The following PRDM5 variants were observed in gnomAD, a reference collection of about 807,000 sequenced individuals.
PRDM5 encodes the protein PR domain zinc finger protein 5.
PRDM5 carries 56 observed loss-of-function variants against 81.2 expected under a neutral mutation model. That is an observed-to-expected ratio of 0.69 (90% CI 0.56 to 0.86). The LOEUF (loss-of-function observed/expected upper bound fraction) is 0.86, where lower values mean the gene tolerates loss of function less well. Ranked by LOEUF, PRDM5 falls within the 40% of genes least tolerant of loss-of-function variation. The pLI, the probability that PRDM5 is intolerant of heterozygous loss-of-function variation, is 0.00. For missense variants in PRDM5, 697 were observed against 770.1 expected (o/e 0.91, Z 1.12); for synonymous variants, 267 against 256.4 (o/e 1.04, Z -0.39).
chr4:120,864,320 GAACATAA>G (rs1760967651), intron 2 of PRDM5, among the ~76,000 whole-genome samples: 1 of 152,166 alleles, frequency 6.6e-6, no homozygotes, highest in African/African-American at 2.4e-5. Flanking sequence ...TACAGGCCTT[GAACATAA>G]AGTTGATATC....
At chr4:120,838,379 C>T (rs766465885) in intron 3 of PRDM5, 2 of 152,150 alleles carry the variant, frequency 1.3e-5, no homozygotes, top group Non-Finnish European at 2.9e-5. Context: ...GTGATCAGAT[C>T]AAGATAATCA....
At chr4:120,809,132 T>C (rs1030467881) in intron 8 of PRDM5, among the ~76,000 whole-genome samples, 1 of 152,016 alleles carries the variant, frequency 6.6e-6, no homozygotes, top group African/African-American at 2.4e-5. Context: ...TCACCTCTCA[T>C]TATCGCAAGG....
chr4:120,745,497 T>C lies in PRDM5; in HGVS notation c.1623+9056A>G, dbSNP rs1742850373. 9.3e-5 allele frequency among the ~76,000 whole-genome samples: 14 copies of C among 151,290 alleles called. No homozygotes were observed. In the South Asian group the frequency reaches 2.9e-3, roughly 32 times the overall value. On this transcript the variant is annotated intron_variant, in intron 14 of 15. Transcript: ENST00000264808. ...GGAAAAGAGGAAGTCAAATTGTCCC[T>C]GTTTGCAGATGAGATGATTGTATAT...
intron 15 of PRDM5, among the ~76,000 whole-genome samples, chr4:120,701,323 T>C (rs183568468): frequency 2.6e-5 from 4 of 152,250 alleles, no homozygotes; most frequent in Non-Finnish European, 5.9e-5. Context: ...ATCCCATTCA[T>C]TACTGGGTAT....
chr4:120,912,557 CTT>C (rs1167153639), intron 1 of PRDM5, among the ~76,000 whole-genome samples: 2 of 152,046 alleles, frequency 1.3e-5, no homozygotes, highest in East Asian at 3.8e-4. Flanking sequence ...AATATGTAGT[CTT>C]TGATAAGATC....
intron 1 of PRDM5, among the ~76,000 whole-genome samples, chr4:120,919,784 G>A (rs1333298883): frequency 6.6e-6 from 1 of 151,988 alleles, no homozygotes; most frequent in African/African-American, 2.4e-5. Context: ...GACAGGGTCT[G>A]GCACACAGCA....
intron 13 of PRDM5, among the ~76,000 whole-genome samples, chr4:120,761,846 C>T (rs1745658915): frequency 6.6e-6 from 1 of 152,006 alleles, no homozygotes; most frequent in East Asian, 1.9e-4. Flanking sequence ...TTTGTTCATG[C>T]TACTAAATAC....
chr4:120,732,556 T>A (rs547241257), intron 14 of PRDM5, among the ~76,000 whole-genome samples: 82 of 152,226 alleles, frequency 5.4e-4, no homozygotes, highest in Non-Finnish European at 7.2e-4. Flanking sequence ...AAATAACTGA[T>A]CTCTGAGGTT....
rs546369311 is a variant in PRDM5 at position 120,717,061 on chromosome 4, T to TG, written c.1624-6649dup. Among the ~76,000 whole-genome samples, 375 of 56,394 alleles carry TG rather than the reference T, an allele frequency of 6.6e-3. 2 individuals are homozygous for TG. The highest frequency in any genetic ancestry group is 0.017 in the African/African-American group (334 of 19,126). 37.0% of individuals were successfully genotyped at this position (56,394 alleles called of 152,430 possible). On this transcript the variant is annotated intron_variant, in intron 14 of 15. Coordinates refer to ENST00000264808, the MANE Select transcript of PRDM5 (RefSeq NM_018699.4). ...TTCCTGCTCCTTTCTTTGAACATTG[T>TG]GAAAAAAAAAAAAAAAAACTTCATT...
At chr4:120,804,517 A>G (rs566034395) in intron 8 of PRDM5, among the ~76,000 whole-genome samples, 53 of 152,242 alleles carry the variant, frequency 3.5e-4, no homozygotes, top group Non-Finnish European at 3.7e-4. Flanking sequence ...ATCACAGTGC[A>G]ATCAAACTAG....
At chr4:120,902,915 C>T (rs746428581) in intron 2 of PRDM5, among the ~76,000 whole-genome samples, 1 of 152,080 alleles carries the variant, frequency 6.6e-6, no homozygotes, top group Admixed American at 6.5e-5. Flanking sequence ...ATACCCTGTC[C>T]CAAGCTCACA....
intron 2 of PRDM5, among the ~76,000 whole-genome samples, chr4:120,880,780 C>T (rs1762769344): frequency 6.6e-6 from 1 of 152,126 alleles, no homozygotes; most frequent in South Asian, 2.1e-4. Flanking sequence ...AATACATTTA[C>T]ATCTACATTG....
chr4:120,913,324 G>A (rs1194520671), intron 1 of PRDM5, among the ~76,000 whole-genome samples: 1 of 152,196 alleles, frequency 6.6e-6, no homozygotes, highest in Non-Finnish European at 1.5e-5. Flanking sequence ...AAAGACTTCT[G>A]CCCTGACATT....
chr4:120,846,760 C>T (rs1758693412), intron 3 of PRDM5, among the ~76,000 whole-genome samples: 1 of 152,100 alleles, frequency 6.6e-6, no homozygotes, highest in Non-Finnish European at 1.5e-5. Flanking sequence ...ACAATCAACT[C>T]ATAAAGAAGA....
At chr4:120,779,996 T>C (rs1216977765) in intron 12 of PRDM5, among the ~76,000 whole-genome samples, 1 of 151,860 alleles carries the variant, frequency 6.6e-6, no homozygotes. Context: ...AAAAATTAAA[T>C]ATTAAAAAAA....
chr4:120,887,083 C>T (rs909110240), intron 2 of PRDM5, among the ~76,000 whole-genome samples: 10 of 151,944 alleles, frequency 6.6e-5, no homozygotes, highest in Non-Finnish European at 1.2e-4. Context: ...GTAGCTGGGA[C>T]TACAGGCGCC....
At chr4:120,872,690 G>A (rs1048393217) in intron 2 of PRDM5, among the ~76,000 whole-genome samples, 40 of 152,260 alleles carry the variant, frequency 2.6e-4, no homozygotes, top group Middle Eastern at 6.8e-3. Flanking sequence ...GGAATTTAAG[G>A]CTGCAGTGAA....
intron 13 of PRDM5, among the ~76,000 whole-genome samples, chr4:120,771,419 C>T (rs541770960): frequency 1.3e-5 from 2 of 152,016 alleles, no homozygotes; most frequent in African/African-American, 4.8e-5. Flanking sequence ...TTAAATACCA[C>T]CAAAAATATT....
At chr4:120,905,790 T>A (rs940970987) in intron 2 of PRDM5, among the ~76,000 whole-genome samples, 1 of 152,256 alleles carries the variant, frequency 6.6e-6, no homozygotes, top group Admixed American at 6.5e-5. Context: ...TTTTCCAACC[T>A]TTTCTGATTG....
Sources: allele counts gnomAD v4.1 joint callset (sites outside exome capture counted in the v4.1 genomes callset), GRCh38; gene constraint gnomAD v4.1.1; transcripts MANE v1.5; gene names NCBI Gene and HGNC (gene_info 2026-07-23, HGNC 2026-07-21).